Variants in RAD21 observed in about 807,000 individuals in gnomAD.
RAD21 encodes the protein double-strand-break repair protein rad21 homolog.
In RAD21, 18 loss-of-function variants were observed where a neutral mutation model predicts 71.5. That is an observed-to-expected ratio of 0.25 (90% CI 0.17 to 0.37). The LOEUF (loss-of-function observed/expected upper bound fraction) is 0.37. Among genes scored for constraint, RAD21 ranks in the 10% least tolerant of loss-of-function variants. The pLI, the probability that RAD21 is intolerant of heterozygous loss-of-function variation, is 1.00. For missense variants in RAD21, 493 were observed against 769.1 expected, an observed-to-expected ratio of 0.64 and a Z score of 4.25; for synonymous variants, 248 against 254.0, an observed-to-expected ratio of 0.98 and a Z score of 0.22.
intron 2 of RAD21, among the ~76,000 whole-genome samples, chr8:116,863,880 C>T (rs1812639836): frequency 6.6e-6 from 1 of 152,190 alleles, no homozygotes; most frequent in African/African-American, 2.4e-5. Context: ...AATCAAGCTG[C>T]TGGACCAATC....
intron 1 of RAD21, 82 bp from the exon 2 acceptor site, chr8:116,866,843 C>A (rs990263501): frequency 2.1e-6 from 2 of 967,514 alleles, no homozygotes. Context: ...TAAAATTTTT[C>A]TTCTCTCTTT....
In RAD21 at chr8:116,854,325, TC is replaced by T; in HGVS notation, c.1080del (p.Met361Ter). The T allele has an allele frequency of 6.2e-7, 1 of 1,613,990 alleles. No individual in the cohort carries two copies. Among genetic ancestry groups the T allele is most frequent in the Non-Finnish European group, 8.5e-7 (1 of 1,179,948 alleles). On this transcript the variant is annotated frameshift_variant, in exon 9 of 14. Coordinates refer to ENST00000297338, the MANE Select transcript of RAD21 (RefSeq NM_006265.3). LOFTEE classifies it high-confidence loss of function. ...TLDLAPPTKK[L>X]MMWKETGGVE... is the part of the protein sequence containing the mutation. ...ACTCCTCCTGTCTCTTTCCACATCATCAATTTCTTGGTGGGCGGTGCCAGAT... is the reference window on the plus strand; with the variant it reads ...ACTCCTCCTGTCTCTTTCCACATCATAATTTCTTGGTGGGCGGTGCCAGAT...
Position 116,847,204 on chromosome 8 carries a change from C to T in RAD21, c.*296G>A, listed in dbSNP as rs1377567614. On this transcript the variant is annotated 3_prime_UTR_variant, in exon 14 of 14. Coordinates refer to ENST00000297338, the MANE Select transcript of RAD21 (RefSeq NM_006265.3). ...AAAATCATGACTTTTGACTGCCACT[C>T]AACATTATTACATGCACCAATATTG... The T allele has an allele frequency of 2.7e-5, 8 of 297,822 alleles. No individual in the cohort carries two copies. Among genetic ancestry groups the T allele is most frequent in the Non-Finnish European group, 5.0e-5 (8 of 161,570 alleles). The allele number at this position is 297,822 out of a possible 1,614,324, so 18.4% of individuals were successfully genotyped here. A position where few individuals can be genotyped will look rare whatever the true frequency, so the allele number is the denominator to read the frequency against.
intron 1 of RAD21, among the ~76,000 whole-genome samples, chr8:116,870,158 C>T (rs3020129): frequency 0.7 from 105,947 of 151,990 alleles, 38,008 homozygotes; most frequent in African/African-American, 0.88. Flanking sequence ...AAAAACTTTT[C>T]CTCAAAAGAA....
Position 116,857,350 on chromosome 8 carries a change from A to C in RAD21, c.605T>G (p.Leu202Arg). 6.2e-7 allele frequency: 1 copy of C among 1,612,732 alleles called. No homozygotes were observed. The highest frequency in any genetic ancestry group is 8.5e-7 in the Non-Finnish European group (1 of 1,179,568). ...LLESEQSTSN[L>R]NEKINHLEYE... Reference sequence around the variant, plus strand: ...TTCTAAATGGTTAATTTTCTCATTCAGATTGCTGGTGCTCTGTTCAGACTC... The same window carrying C: ...TTCTAAATGGTTAATTTTCTCATTCCGATTGCTGGTGCTCTGTTCAGACTC... The change falls in exon 6 of 14, where the codon CTG becomes CGG. Residue 202 changes from leucine (L) to arginine (R), a missense_variant. Physicochemically the swap from Leu to Arg is moderately radical, Grantham distance 102. Transcript: ENST00000297338.
At chr8:116,864,320 T>C (rs1020121464) in intron 2 of RAD21, among the ~76,000 whole-genome samples, 1 of 152,094 alleles carries the variant, frequency 6.6e-6, no homozygotes, top group African/African-American at 2.4e-5. Flanking sequence ...CTTTTAAACA[T>C]TTGCTTAATG....
At position 116,846,772 on chromosome 8, in the gene RAD21, A is replaced by T. The variant is rs1474650673; in HGVS notation, c.*728T>A. On this transcript the variant is annotated 3_prime_UTR_variant, in exon 14 of 14. Coordinates refer to ENST00000297338, the MANE Select transcript of RAD21 (RefSeq NM_006265.3). ...TTTTAATAGTCACTCTACTCTAATC[A>T]GGCCTAGCTTTGCTCATTTTGGAGC... The T allele has an allele frequency of 9.1e-6, 2 of 219,844 alleles. No individual in the cohort carries two copies. Among genetic ancestry groups the T allele is most frequent in the Non-Finnish European group, 1.8e-5 (2 of 109,712 alleles). 13.6% of individuals were successfully genotyped at this position (219,844 alleles called of 1,614,324 possible).
In RAD21 at chr8:116,866,628, C is replaced by T; in HGVS notation, c.102G>A (p.Glu34=). Residue 34 remains glutamate, a synonymous_variant, in exon 2 of 14, where the codon GAG becomes GAA. Coordinates refer to ENST00000297338, the MANE Select transcript of RAD21 (RefSeq NM_006265.3). Reference sequence around the variant, plus strand: ...TCTCCACGCTGCTCTCTAAATTACACTCGAACACATGGGCTTTGGTTAGCT... The same window carrying T: ...TCTCCACGCTGCTCTCTAAATTACATTCGAACACATGGGCTTTGGTTAGCT... ...DKKLTKAHVF[E]CNLESSVESI... is the part of the protein sequence containing the mutation. The T allele has an allele frequency of 6.2e-7, 1 of 1,613,372 alleles. No homozygotes were observed.
At chr8:116,861,590 G>C (rs999775302) in intron 4 of RAD21, among the ~76,000 whole-genome samples, 1 of 151,546 alleles carries the variant, frequency 6.6e-6, no homozygotes, top group South Asian at 2.1e-4. Context: ...TTCAGTTTAC[G>C]TAAGCTTTGG....
Position 116,857,379 on chromosome 8 carries a change from T to C in RAD21, c.576A>G (p.Leu192=), listed in dbSNP as rs753213984. 3.9e-5 allele frequency: 63 copies of C among 1,612,970 alleles called. No individual in the cohort carries two copies. The highest frequency in any genetic ancestry group is 4.8e-5 in the Non-Finnish European group (57 of 1,179,508). ...MLVSTTTSNL[L]LESEQSTSNL... ...TGCTGGTGCTCTGTTCAGACTCTAA[T>C]AGGAGGTTAGAAGTAGTAGTGCTTA... Residue 192 remains leucine (L), a synonymous_variant, in exon 6 of 14, where the codon CTA becomes CTG. Transcript: ENST00000297338.
intron 2 of RAD21, among the ~76,000 whole-genome samples, chr8:116,863,729 G>A (rs994989758): frequency 6.6e-6 from 1 of 151,980 alleles, no homozygotes; most frequent in Non-Finnish European, 1.5e-5. Context: ...AAAGAACAAC[G>A]CCTCTCTTCC....
At chr8:116,860,374 C>T (rs1452120807) in intron 4 of RAD21, among the ~76,000 whole-genome samples, 3 of 152,248 alleles carry the variant, frequency 2.0e-5, no homozygotes, top group South Asian at 4.1e-4. Context: ...GGGTAAAACG[C>T]TATCGGGTAG....
At chr8:116,848,633 A>G (rs917567917) in intron 13 of RAD21, among the ~76,000 whole-genome samples, 1 of 152,160 alleles carries the variant, frequency 6.6e-6, no homozygotes, top group African/African-American at 2.4e-5. Context: ...GTGCAGGCAT[A>G]CAAAGGAGTT....
At chr8:116,850,857 T>C (rs779892284) in intron 11 of RAD21, 90 bp from the exon 12 acceptor site, 6 of 889,124 alleles carry the variant, frequency 6.7e-6, no homozygotes, top group Non-Finnish European at 1.0e-5. Context: ...TGAAGTTTTC[T>C]AGTCAAAAAG....
intron 1 of RAD21, among the ~76,000 whole-genome samples, chr8:116,868,373 C>T (rs2130488235): frequency 6.6e-6 from 1 of 152,190 alleles, no homozygotes; most frequent in East Asian, 1.9e-4. Context: ...ATTCATATAC[C>T]ACCATATGCT....
At chr8:116,856,940 T>A (rs560508553) in intron 6 of RAD21, among the ~76,000 whole-genome samples, 169 bp from the exon 7 acceptor site, 7 of 152,138 alleles carry the variant, frequency 4.6e-5, no homozygotes, top group Non-Finnish European at 1.0e-4. Context: ...ACACTTGGTA[T>A]ATAAAAAAAA....
chr8:116,850,525 T>G, intron 12 of RAD21, 93 bp downstream of exon 12: 4 of 1,523,724 alleles, frequency 2.6e-6, no homozygotes, highest in Non-Finnish European at 2.6e-6. Context: ...ATAACTCTGA[T>G]GCTCAGCATC....
chr8:116,871,302 A>C (rs939972582), intron 1 of RAD21, among the ~76,000 whole-genome samples: 9 of 152,212 alleles, frequency 5.9e-5, no homozygotes, highest in African/African-American at 1.9e-4. Flanking sequence ...TTGATACCAG[A>C]GCACAACTTA....
chr8:116,872,998 G>T (rs1359746218), intron 1 of RAD21, among the ~76,000 whole-genome samples: 1 of 152,188 alleles, frequency 6.6e-6, no homozygotes, highest in African/African-American at 2.4e-5. Flanking sequence ...CATCAAAAAA[G>T]ATTATGAAAA....
Sources: gnomAD v4.1 joint callset for allele counts (sites outside exome capture counted in the v4.1 genomes callset) on GRCh38, gnomAD v4.1.1 for gene constraint, MANE v1.5 for transcripts, NCBI Gene and HGNC (gene_info 2026-07-23, HGNC 2026-07-21) for gene names.